Variants in KIAA1217 observed in about 807,000 individuals in gnomAD.
KIAA1217 encodes the protein sickle tail protein homolog.
A neutral mutation model predicts 163.9 loss-of-function variants in KIAA1217; 88 were observed. That is an observed-to-expected ratio of 0.54 (90% CI 0.45 to 0.64). The LOEUF (loss-of-function observed/expected upper bound fraction) is 0.64. Ranked by LOEUF, KIAA1217 falls within the 30% of genes least tolerant of loss-of-function variation. KIAA1217 has a pLI of 0.00. For missense variants in KIAA1217, 2,372 were observed against 2,475.0 expected (o/e 0.96, Z 0.88); for synonymous variants, 903 against 923.1 (o/e 0.98, Z 0.39).
intron 1 of KIAA1217, among the ~76,000 whole-genome samples, chr10:23,797,686 C>T (rs937329340): frequency 6.6e-6 from 1 of 152,112 alleles, no homozygotes; most frequent in Non-Finnish European, 1.5e-5. Context: ...TTTAAACCAC[C>T]AACTGTCATG....
At chr10:24,169,206 A>G (rs79454838) in intron 2 of KIAA1217, among the ~76,000 whole-genome samples, 3,070 of 152,384 alleles carry the variant, frequency 0.02, 45 homozygotes, top group South Asian at 0.07. Context: ...ATTAAAGCTC[A>G]GAACTTTAAG....
At chr10:23,841,464 C>G (rs539615842) in intron 1 of KIAA1217, among the ~76,000 whole-genome samples, 1 of 152,024 alleles carries the variant, frequency 6.6e-6, no homozygotes, top group Admixed American at 6.6e-5. Context: ...TGTAAAGCAC[C>G]CAAAAGACAT....
At chr10:24,098,791 G>C (rs1025791816) in intron 2 of KIAA1217, among the ~76,000 whole-genome samples, 1 of 150,946 alleles carries the variant, frequency 6.6e-6, no homozygotes, top group African/African-American at 2.5e-5. Context: ...CACAGGGAAA[G>C]AATGCCTATT....
intron 2 of KIAA1217, among the ~76,000 whole-genome samples, chr10:24,262,185 A>C (rs1012543426): frequency 1.3e-5 from 2 of 152,216 alleles, no homozygotes; most frequent in Non-Finnish European, 2.9e-5. Flanking sequence ...GATGTCATCC[A>C]CATGTCCACA....
chr10:24,239,316 A>G (rs2072722474), intron 2 of KIAA1217: 1 of 985,056 alleles, frequency 1.0e-6, no homozygotes. Context: ...CTGCCGCCTC[A>G]CCTGTGGAGC....
chr10:24,014,483 T>TGA (rs1212260372), intron 2 of KIAA1217, among the ~76,000 whole-genome samples: 1 of 152,140 alleles, frequency 6.6e-6, no homozygotes, highest in African/African-American at 2.4e-5. Context: ...AACAAAAGAC[T>TGA]GAAATGAGAG....
chr10:24,199,841 G>T (rs149185927), intron 2 of KIAA1217, among the ~76,000 whole-genome samples: 1,981 of 152,126 alleles, frequency 0.013, 58 homozygotes, highest in African/African-American at 0.045. Flanking sequence ...AATAACCTAA[G>T]AACCTTGGGT....
intron 1 of KIAA1217, among the ~76,000 whole-genome samples, chr10:23,763,291 T>C (rs1834353055): frequency 1.3e-5 from 2 of 152,084 alleles, no homozygotes; most frequent in Non-Finnish European, 2.9e-5. Flanking sequence ...TCAAAGAAGA[T>C]ACTGTATAGA....
intron 1 of KIAA1217, among the ~76,000 whole-genome samples, chr10:23,999,963 A>T (rs1021265367): frequency 1.3e-5 from 2 of 152,070 alleles, no homozygotes; most frequent in Non-Finnish European, 2.9e-5. Flanking sequence ...GCTACTCAGG[A>T]GGCTGAGTGG....
chr10:23,768,691 A>G (rs1168997906), intron 1 of KIAA1217, among the ~76,000 whole-genome samples: 2 of 152,214 alleles, frequency 1.3e-5, no homozygotes, highest in East Asian at 3.8e-4. Flanking sequence ...GCTCGGTATC[A>G]CAAGAGATGA....
chr10:23,844,367 A>C (rs1046508481), intron 1 of KIAA1217, among the ~76,000 whole-genome samples: 1 of 152,052 alleles, frequency 6.6e-6, no homozygotes, highest in Non-Finnish European at 1.5e-5. Context: ...ACTATTTTCA[A>C]TCCACTGTCT....
At chr10:23,814,090 G>T (rs1161087839) in intron 1 of KIAA1217, among the ~76,000 whole-genome samples, 1 of 152,154 alleles carries the variant, frequency 6.6e-6, no homozygotes. Flanking sequence ...CAGGTCATTA[G>T]CAGTCACTTT....
chr10:24,531,365 A>G (rs1368215678), intron 14 of KIAA1217, among the ~76,000 whole-genome samples: 1 of 151,998 alleles, frequency 6.6e-6, no homozygotes, highest in African/African-American at 2.4e-5. Context: ...TCTTGCTGAT[A>G]CTGTTTTTTC....
chr10:23,729,954 T>C (rs1588677932), intron 1 of KIAA1217, among the ~76,000 whole-genome samples: 1 of 151,884 alleles, frequency 6.6e-6, no homozygotes, highest in Non-Finnish European at 1.5e-5. Flanking sequence ...CAGGCTGGAG[T>C]GCAGTGGCAC....
chr10:23,699,975 T>A (rs1348001259), intron 1 of KIAA1217, among the ~76,000 whole-genome samples: 1 of 152,020 alleles, frequency 6.6e-6, no homozygotes, highest in South Asian at 2.1e-4. Context: ...AATAAAGGAG[T>A]AAATGAATAA....
intron 1 of KIAA1217, among the ~76,000 whole-genome samples, chr10:23,880,031 G>T (rs1245891324): frequency 6.6e-6 from 1 of 151,910 alleles, no homozygotes; most frequent in African/African-American, 2.4e-5. Flanking sequence ...TCTTCAGACT[G>T]TTTCTGTTTT....
chr10:24,037,089 C>A (rs898400066), intron 2 of KIAA1217, among the ~76,000 whole-genome samples: 2 of 152,172 alleles, frequency 1.3e-5, no homozygotes, highest in Admixed American at 1.3e-4. Context: ...AAGTAAAAGG[C>A]AAATGTCAAG....
intron 2 of KIAA1217, among the ~76,000 whole-genome samples, chr10:24,059,938 T>C (rs939519172): frequency 1.6e-4 from 24 of 152,204 alleles, no homozygotes; most frequent in African/African-American, 5.5e-4. Flanking sequence ...ATCCATTTCA[T>C]CTAGGTTATC....
chr10:24,318,605 C>A (rs2043721134), intron 2 of KIAA1217, among the ~76,000 whole-genome samples: 2 of 152,188 alleles, frequency 1.3e-5, no homozygotes, highest in South Asian at 4.1e-4. Context: ...ACACCTCCCC[C>A]TCTCTTATCT....
Sources: gnomAD v4.1 joint callset for allele counts (sites outside exome capture counted in the v4.1 genomes callset) on GRCh38, gnomAD v4.1.1 for gene constraint, MANE v1.5 for transcripts, NCBI Gene and HGNC (gene_info 2026-07-23, HGNC 2026-07-21) for gene names.